Variants in TNR observed in about 807,000 individuals in gnomAD.
TNR encodes the protein tenascin R.
Under a neutral mutation model 150.4 loss-of-function variants are expected in TNR, and 45 were observed. The ratio of observed to expected loss-of-function variants is 0.30; its 90% CI spans 0.24 to 0.38. The LOEUF is 0.38. Ranked by LOEUF, TNR falls within the 10% of genes least tolerant of loss-of-function variation. The probability of loss-of-function intolerance (pLI) is 1.00; values close to 1 mark genes in which losing one functional copy is unlikely to be tolerated. For synonymous variants in TNR, 687 were observed against 678.4 expected (o/e 1.01, Z -0.20); for missense variants, 1,544 against 1,759.1 (o/e 0.88, Z 2.19).
At chr1:175,700,101 C>T (rs912144454) in intron 1 of TNR, among the ~76,000 whole-genome samples, 37 of 151,062 alleles carry the variant, frequency 2.4e-4, no homozygotes, top group Admixed American at 6.0e-4. Context: ...AGAGGGAGCA[C>T]GTTGGATGGA....
At chr1:175,687,104 A>G (rs143184738) in intron 1 of TNR, among the ~76,000 whole-genome samples, 27 of 152,304 alleles carry the variant, frequency 1.8e-4, no homozygotes, top group African/African-American at 5.8e-4. Context: ...GACATTCCCA[A>G]GGCACCATGG....
intron 1 of TNR, among the ~76,000 whole-genome samples, chr1:175,543,039 T>C (rs1436609655): frequency 2.0e-5 from 3 of 152,214 alleles, no homozygotes; most frequent in Non-Finnish European, 4.4e-5. Context: ...TTTACTGCTT[T>C]GCTGTTGCCA....
intron 19 of TNR, among the ~76,000 whole-genome samples, chr1:175,336,894 CT>C (rs1001211352): frequency 1.3e-5 from 2 of 152,138 alleles, no homozygotes; most frequent in African/African-American, 4.8e-5. Context: ...TGTTTGTTTG[CT>C]TGTTTGTTTT....
rs1268131139 is a variant in TNR at position 175,318,001 on chromosome 1, CT to C, written c.*5355del. 6.6e-6 allele frequency: 1 copy of C among 152,150 alleles called. No homozygotes were observed. Among genetic ancestry groups the C allele is most frequent in the Non-Finnish European group, 1.5e-5 (1 of 68,038 alleles). 9.4% of individuals were successfully genotyped at this position (152,150 alleles called of 1,614,324 possible). A position where few individuals can be genotyped will look rare whatever the true frequency, so the allele number is the denominator to read the frequency against. On this transcript the variant is annotated 3_prime_UTR_variant, in exon 23 of 23. Coordinates refer to ENST00000367674, the MANE Select transcript of TNR (RefSeq NM_003285.3). ...AGTCATGTTTCAGGCAAAGATTGAC[CT>C]TAAAAAAATAAACAGAATGCTGGAG...
At chr1:175,618,461 G>A (rs1367009485) in intron 1 of TNR, among the ~76,000 whole-genome samples, 1 of 152,106 alleles carries the variant, frequency 6.6e-6, no homozygotes, top group Non-Finnish European at 1.5e-5. Context: ...ACAGTTCCTG[G>A]ACTCAACTGA....
chr1:175,518,517 A>G (rs1659503508), intron 2 of TNR, among the ~76,000 whole-genome samples: 1 of 152,088 alleles, frequency 6.6e-6, no homozygotes, highest in Non-Finnish European at 1.5e-5. Context: ...GGTCCATTAG[A>G]ACTCCTGCTG....
chr1:175,588,183 C>T (rs1662652494), intron 1 of TNR, among the ~76,000 whole-genome samples: 1 of 152,174 alleles, frequency 6.6e-6, no homozygotes. Flanking sequence ...TCCATAACCG[C>T]TTAATGGCAA....
chr1:175,341,173 G>T (rs1194672126), intron 18 of TNR, among the ~76,000 whole-genome samples: 1 of 152,080 alleles, frequency 6.6e-6, no homozygotes, highest in Non-Finnish European at 1.5e-5. Flanking sequence ...GGCCCTCCTA[G>T]CTCTCTGGAT....
intron 1 of TNR, among the ~76,000 whole-genome samples, chr1:175,666,645 G>T (rs1017015821): frequency 3.3e-5 from 5 of 152,218 alleles, no homozygotes; most frequent in Non-Finnish European, 5.9e-5. Context: ...GCTGGACCCG[G>T]GGTTGCCCCA....
chr1:175,535,208 G>A (rs1017136682), intron 1 of TNR, among the ~76,000 whole-genome samples: 2 of 152,150 alleles, frequency 1.3e-5, no homozygotes, highest in African/African-American at 4.8e-5. Context: ...TTGGCTCCTT[G>A]CTGAAGTCCC....
rs773416045 is a variant in TNR, at chr1:175,362,707, C to T, written c.2810G>A (p.Arg937Gln). The T allele has an allele frequency of 7.2e-5, 116 of 1,614,024 alleles. No homozygotes were observed. Among genetic ancestry groups the T allele is most frequent in the Non-Finnish European group, 9.1e-5 (107 of 1,180,002 alleles). ...TEYEISLNSV[R>Q]GREESERICT... ...GATGCGCTCGCTTTCCTCCCTGCCC[C>T]GCACGCTGTTGAGGCTGATTTCGTA... is the stretch of plus-strand genomic sequence containing the variant. The change falls in exon 14 of 23, where the codon CGG becomes CAG. Residue 937 changes from arginine to glutamine, a missense_variant. By Grantham distance (43) the Arg-to-Gln change is conservative. Around this residue, in one of 2 missense-constraint regions of TNR, gnomAD observed 1,254 missense variants for 1,329.4 expected, o/e 0.94. Transcript: ENST00000367674.
At position 175,386,073 on chromosome 1, in the gene TNR, C is replaced by T; in HGVS notation, c.1736G>A (p.Gly579Glu). ...GGTGGCAGAATCGCTCTCGTTGGTC[C>T]CTCGGACGGCACTGACTGACACCTC... ...RYEVSVSAVR[G>E]TNESDSATTQ... Residue 579 changes from glycine (G) to glutamate (E), a missense_variant, in exon 8 of 23, where the codon GGG (glycine) becomes GAG (glutamate). Gly to Glu is a moderately conservative substitution (Grantham distance 98, BLOSUM62 -2). Around this residue, in one of 2 missense-constraint regions of TNR, gnomAD observed 1,254 missense variants for 1,329.4 expected, o/e 0.94. Transcript: ENST00000367674. The T allele has an allele frequency of 1.2e-6, 2 of 1,607,586 alleles. No individual in the cohort carries two copies. The highest frequency in any genetic ancestry group is 1.7e-6 in the Non-Finnish European group (2 of 1,175,624).
At chr1:175,611,330 G>A (rs771392982) in intron 1 of TNR, among the ~76,000 whole-genome samples, 2 of 151,386 alleles carry the variant, frequency 1.3e-5, no homozygotes, top group Admixed American at 6.6e-5. Context: ...CATTTCCTTC[G>A]TTTCTACTCT....
At chr1:175,331,014 T>A (rs1270216524) in intron 20 of TNR, among the ~76,000 whole-genome samples, 20 of 56,626 alleles carry the variant, frequency 3.5e-4, no homozygotes, top group African/African-American at 1.2e-3. Flanking sequence ...TCTTTCTTTC[T>A]TTCTTTCTTT....
rs1662268273 is a variant in TNR, at chr1:175,579,629, A to G, written c.-164-51260T>C. On this transcript the variant is annotated intron_variant, in intron 1 of 22. Coordinates refer to ENST00000367674, the MANE Select transcript of TNR (RefSeq NM_003285.3). ...ATTTGGATGTTATCTAGTATCAGTT[A>G]TAACCCACTGAGGTTTTGAGGAGTA... is the stretch of plus-strand genomic sequence containing the variant. 2.6e-5 allele frequency among the ~76,000 whole-genome samples: 4 copies of G among 151,346 alleles called. No homozygotes were observed. In the South Asian group the frequency reaches 8.5e-4, roughly 32 times the overall value.
chr1:175,543,563 T>C (rs1054190180), intron 1 of TNR, among the ~76,000 whole-genome samples: 9 of 152,168 alleles, frequency 5.9e-5, no homozygotes, highest in African/African-American at 1.9e-4. Flanking sequence ...CATCATTCAT[T>C]TATTTATCCC....
intron 2 of TNR, among the ~76,000 whole-genome samples, chr1:175,521,066 T>C (rs954239992): frequency 1.3e-5 from 2 of 152,182 alleles, no homozygotes; most frequent in Non-Finnish European, 2.9e-5. Context: ...TGTTAGTTTG[T>C]GTCCTTTTCT....
chr1:175,689,349 G>A (rs1056686472), intron 1 of TNR, among the ~76,000 whole-genome samples: 2 of 151,692 alleles, frequency 1.3e-5, no homozygotes, highest in Non-Finnish European at 2.9e-5. Flanking sequence ...TAGCATGACC[G>A]AATACCTTAA....
intron 1 of TNR, among the ~76,000 whole-genome samples, chr1:175,592,172 T>C (rs1305546817): frequency 6.6e-6 from 1 of 152,194 alleles, no homozygotes; most frequent in Non-Finnish European, 1.5e-5. Flanking sequence ...ATTATAGAGT[T>C]ATGGTAAGAC....
Sources: allele counts gnomAD v4.1 joint callset (sites outside exome capture counted in the v4.1 genomes callset), GRCh38; gene constraint gnomAD v4.1.1; regional missense constraint gnomAD v4.1.1; transcripts MANE v1.5; gene names NCBI Gene and HGNC (gene_info 2026-07-23, HGNC 2026-07-21).